CCDC60: variants seen among roughly 807,000 people sequenced by gnomAD.
CCDC60 encodes coiled-coil domain containing 60.
A neutral mutation model predicts 63.5 loss-of-function variants in CCDC60; 54 were observed. The observed-to-expected ratio is 0.85, with a 90% CI of 0.68 to 1.07. The LOEUF (loss-of-function observed/expected upper bound fraction) is 1.07. Among genes scored for constraint, CCDC60 ranks in the 50% least tolerant of loss-of-function variants. CCDC60 has a pLI of 0.00. For synonymous variants in CCDC60, 206 were observed against 238.8 expected, an observed-to-expected ratio of 0.86 and a Z score of 1.27; for missense variants, 651 against 684.3, an observed-to-expected ratio of 0.95 and a Z score of 0.54.
At chr12:119,530,461 T>TAC (rs1003964769) in intron 12 of CCDC60, among the ~76,000 whole-genome samples, 3 of 151,608 alleles carry the variant, frequency 2.0e-5, no homozygotes, top group African/African-American at 4.8e-5. Context: ...AGATAGAAAA[T>TAC]ACACACACAC....
rs759109248 is a variant in CCDC60 at position 119,353,155 on chromosome 12, C to CT, written c.90+17899dup. Among the ~76,000 whole-genome samples the CT allele has an allele frequency of 1.7e-3, 252 of 147,108 alleles. 1 individual carries two copies. Among genetic ancestry groups the CT allele is most frequent in the African/African-American group, 5.6e-3 (225 of 40,186 alleles). On this transcript the variant is annotated intron_variant, in intron 1 of 13. Coordinates refer to ENST00000327554, the MANE Select transcript of CCDC60 (RefSeq NM_178499.5). ...CACAAAACAAAGTGTCCCTTTTCTC[C>CT]TTTTTTTTTTATATAAGAACATGGT... is the stretch of plus-strand genomic sequence containing the variant.
At chr12:119,457,466 C>T (rs1402044928) in intron 2 of CCDC60, among the ~76,000 whole-genome samples, 2 of 152,120 alleles carry the variant, frequency 1.3e-5, no homozygotes, top group Admixed American at 6.6e-5. Flanking sequence ...GCAAATGACC[C>T]AGGGATAGCA....
At chr12:119,360,868 C>T (rs2136165308) in intron 1 of CCDC60, among the ~76,000 whole-genome samples, 1 of 152,318 alleles carries the variant, frequency 6.6e-6, no homozygotes, top group African/African-American at 2.4e-5. Flanking sequence ...GTGAACCAGA[C>T]TCTGTCTGCA....
At chr12:119,424,618 A>G (rs1322303045) in intron 1 of CCDC60, among the ~76,000 whole-genome samples, 8 of 152,200 alleles carry the variant, frequency 5.3e-5, no homozygotes, top group Non-Finnish European at 1.2e-4. Context: ...TGAATGTTTT[A>G]TAAACTTTTT....
intron 13 of CCDC60, among the ~76,000 whole-genome samples, chr12:119,531,393 G>C (rs529545849): frequency 1.3e-5 from 2 of 152,138 alleles, no homozygotes; most frequent in African/African-American, 4.8e-5. Flanking sequence ...TGTTAGAAAC[G>C]CAGAATTGCA....
intron 2 of CCDC60, among the ~76,000 whole-genome samples, chr12:119,441,684 G>T (rs993269197): frequency 6.6e-6 from 1 of 152,116 alleles, no homozygotes. Context: ...ACTCAATATT[G>T]TCTTTCTGAG....
intron 1 of CCDC60, among the ~76,000 whole-genome samples, chr12:119,343,628 T>C (rs140651767): frequency 1.3e-5 from 2 of 149,164 alleles, no homozygotes; most frequent in East Asian, 3.9e-4. Flanking sequence ...TGAATCAAGA[T>C]AGTGAATAAC....
chr12:119,441,735 C>T (rs2136261412), intron 2 of CCDC60, among the ~76,000 whole-genome samples: 1 of 152,340 alleles, frequency 6.6e-6, no homozygotes, highest in South Asian at 2.1e-4. Context: ...TCTGTTCTCT[C>T]TCAGTATCTG....
At chr12:119,538,819 T>A (rs1003489380) in intron 13 of CCDC60, among the ~76,000 whole-genome samples, 1 of 152,254 alleles carries the variant, frequency 6.6e-6, no homozygotes, top group African/African-American at 2.4e-5. Flanking sequence ...TTCCTCATCT[T>A]CATGGATTTA....
chr12:119,463,587 G>A (rs1009814996), intron 2 of CCDC60, among the ~76,000 whole-genome samples: 2 of 152,258 alleles, frequency 1.3e-5, no homozygotes, highest in Admixed American at 6.5e-5. Context: ...GAAAGATCAG[G>A]AGAGTGAGGC....
intron 2 of CCDC60, among the ~76,000 whole-genome samples, chr12:119,468,523 A>G (rs1490674033): frequency 6.6e-6 from 1 of 152,190 alleles, no homozygotes; most frequent in South Asian, 2.1e-4. Context: ...TAAACATCCA[A>G]AAAATTTTAC....
At chr12:119,494,047 T>C (rs760356034) in intron 5 of CCDC60, among the ~76,000 whole-genome samples, 7 of 152,226 alleles carry the variant, frequency 4.6e-5, no homozygotes, top group Non-Finnish European at 8.8e-5. Context: ...TGCTACCAAA[T>C]AAGCCATTTA....
In CCDC60 at chr12:119,488,791, A is replaced by T; in HGVS notation, c.482A>T (p.His161Leu). ...CTCTTCCGCCAGCTCTGTGCTCTCCACTGGCTTCTGGAGGCCCTGACTATT... is the reference window on the plus strand; with the variant it reads ...CTCTTCCGCCAGCTCTGTGCTCTCCTCTGGCTTCTGGAGGCCCTGACTATT... Reference protein sequence around the residue: ...EPLFRQLCALHWLLEALTIDH... With the variant: ...EPLFRQLCALLWLLEALTIDH... The change falls in exon 5 of 14, where the codon CAC (histidine) becomes CTC (leucine). Residue 161 changes from histidine (H) to leucine (L), a missense_variant. Transcript: ENST00000327554. 6.2e-7 allele frequency: 1 copy of T among 1,614,092 alleles called. No individual in the cohort carries two copies. The highest frequency in any genetic ancestry group is 8.5e-7 in the Non-Finnish European group (1 of 1,180,002).
intron 1 of CCDC60, among the ~76,000 whole-genome samples, chr12:119,357,901 A>G (rs1417850384): frequency 2.0e-5 from 3 of 152,256 alleles, no homozygotes; most frequent in Admixed American, 2.0e-4. Flanking sequence ...AGGAAGCATT[A>G]TGCTGGCATC....
chr12:119,359,536 C>CT lies in CCDC60; in HGVS notation c.90+24286dup, dbSNP rs57310847. Among the ~76,000 whole-genome samples, 354 of 137,418 alleles carry CT rather than the reference C, an allele frequency of 2.6e-3. 1 individual carries two copies. Among genetic ancestry groups the CT allele is most frequent in the South Asian group, 8.2e-3 (35 of 4,282 alleles). The allele number at this position is 137,418 out of a possible 152,430, so 90.2% of individuals were successfully genotyped here. ...ATATAGATAGATGCTTATCACAGGT[C>CT]TTTTTTTTTTTTTTTTATTGATCAT... is the stretch of plus-strand genomic sequence containing the variant. On this transcript the variant is annotated intron_variant, in intron 1 of 13. Coordinates refer to ENST00000327554, the MANE Select transcript of CCDC60 (RefSeq NM_178499.5).
At chr12:119,424,413 C>A (rs1033372155) in intron 1 of CCDC60, among the ~76,000 whole-genome samples, 1 of 152,078 alleles carries the variant, frequency 6.6e-6, no homozygotes, top group African/African-American at 2.4e-5. Context: ...ATGATTTATC[C>A]CCACAATGCC....
intron 2 of CCDC60, among the ~76,000 whole-genome samples, chr12:119,442,327 A>T (rs1201403730): frequency 6.6e-6 from 1 of 152,194 alleles, no homozygotes. Flanking sequence ...AATATAACAA[A>T]TGGGCCAGGT....
chr12:119,477,539 G>A (rs1346772543), intron 3 of CCDC60, among the ~76,000 whole-genome samples: 1 of 152,180 alleles, frequency 6.6e-6, no homozygotes, highest in Non-Finnish European at 1.5e-5. Flanking sequence ...TTGCTGTATT[G>A]GCAGCCCCCA....
chr12:119,428,980 G>A (rs80015877), intron 2 of CCDC60: 3 of 163,968 alleles, frequency 1.8e-5, no homozygotes, highest in Non-Finnish European at 2.0e-5. Flanking sequence ...GCCTCCAGCC[G>A]CCTAGAATTC....
Sources: allele counts gnomAD v4.1 joint callset (sites outside exome capture counted in the v4.1 genomes callset), GRCh38; gene constraint gnomAD v4.1.1; transcripts MANE v1.5; gene names NCBI Gene and HGNC (gene_info 2026-07-23, HGNC 2026-07-21).